CHCHD6: variants seen among roughly 807,000 people sequenced by gnomAD.
CHCHD6 encodes the protein MICOS complex subunit MIC25.
Under a neutral mutation model 32.3 loss-of-function variants are expected in CHCHD6, and 28 were observed. The observed-to-expected ratio is 0.87, with a 90% CI of 0.64 to 1.19. The LOEUF is 1.19. Ranked by LOEUF, CHCHD6 falls within the 50% of genes most tolerant of loss-of-function variation. CHCHD6 has a pLI of 0.00. For synonymous variants in CHCHD6, 122 were observed against 117.5 expected (o/e 1.04, Z -0.25); for missense variants, 333 against 307.0 (o/e 1.08, Z -0.63).
At chr3:126,721,394 GC>G (rs1260968104) in intron 1 of CHCHD6, among the ~76,000 whole-genome samples, 2 of 152,094 alleles carry the variant, frequency 1.3e-5, no homozygotes, top group Non-Finnish European at 2.9e-5. Context: ...TGCAGACATC[GC>G]TGCCGTCCCG....
At chr3:126,742,802 T>C (rs1265757430) in intron 4 of CHCHD6, among the ~76,000 whole-genome samples, 1 of 152,204 alleles carries the variant, frequency 6.6e-6, no homozygotes, top group Non-Finnish European at 1.5e-5. Context: ...TCTAGAACTA[T>C]GAGAAATAAA....
At chr3:126,845,618 TG>T (rs1237116519) in intron 4 of CHCHD6, among the ~76,000 whole-genome samples, 1 of 152,190 alleles carries the variant, frequency 6.6e-6, no homozygotes, top group Non-Finnish European at 1.5e-5. Context: ...CTGTTAATCT[TG>T]GGGGCCCTGT....
chr3:126,846,972 TG>T lies in CHCHD6; in HGVS notation c.412-5670del, dbSNP rs138875274. Among the ~76,000 whole-genome samples, 1,219 of 152,328 alleles carry T rather than the reference TG, an allele frequency of 8.0e-3. 8 individuals are homozygous for T. The highest frequency in any genetic ancestry group is 0.014 in the Middle Eastern group (4 of 294). On this transcript the variant is annotated intron_variant, in intron 4 of 7. Transcript: ENST00000290913. ...CTTTTCTTCTGTAAGACCATTAGTA[TG>T]GGGGCTTGGGTTTCTTCTAAGTAGC...
At chr3:126,773,494 A>G (rs530857583) in intron 4 of CHCHD6, among the ~76,000 whole-genome samples, 1 of 151,592 alleles carries the variant, frequency 6.6e-6, no homozygotes, top group East Asian at 1.9e-4. Context: ...AAGTTTTCCT[A>G]CTGTTCTCAA....
Position 126,924,177 on chromosome 3 carries a change from G to A in CHCHD6, c.566+9427G>A, listed in dbSNP as rs192537764. Among the ~76,000 whole-genome samples the A allele has an allele frequency of 5.4e-4, 82 of 152,260 alleles. No homozygotes were observed. In the South Asian group the frequency reaches 6.4e-3, roughly 12 times the overall value. ...AAGGTGCCAGAGACCTCTGGTTGGG[G>A]AAAAAGCGATTTGTAGTTTACAGTG... is the stretch of plus-strand genomic sequence containing the variant. On this transcript the variant is annotated intron_variant, in intron 6 of 7. Coordinates refer to ENST00000290913, the MANE Select transcript of CHCHD6 (RefSeq NM_032343.3).
At chr3:126,707,795 T>G (rs1934563829) in intron 1 of CHCHD6, among the ~76,000 whole-genome samples, 1 of 151,266 alleles carries the variant, frequency 6.6e-6, no homozygotes, top group Non-Finnish European at 1.5e-5. Context: ...CACAAGAGAG[T>G]CCCCCATTGT....
intron 6 of CHCHD6, among the ~76,000 whole-genome samples, chr3:126,940,494 C>T (rs774981435): frequency 3.9e-5 from 6 of 152,096 alleles, no homozygotes; most frequent in Non-Finnish European, 8.8e-5. Flanking sequence ...TCAATATAAT[C>T]GGCACTGTGA....
At chr3:126,871,790 C>G (rs1338089450) in intron 5 of CHCHD6, among the ~76,000 whole-genome samples, 2 of 151,704 alleles carry the variant, frequency 1.3e-5, no homozygotes, top group East Asian at 3.9e-4. Context: ...CTCAGCCTCC[C>G]GAGTAGCTGG....
At chr3:126,796,761 C>G (rs896122387) in intron 4 of CHCHD6, among the ~76,000 whole-genome samples, 1 of 152,090 alleles carries the variant, frequency 6.6e-6, no homozygotes. Flanking sequence ...GTGTGGGGAT[C>G]GACTCCACTA....
At chr3:126,763,937 T>A (rs1937256597) in intron 4 of CHCHD6, among the ~76,000 whole-genome samples, 1 of 152,146 alleles carries the variant, frequency 6.6e-6, no homozygotes, top group African/African-American at 2.4e-5. Flanking sequence ...TGAAATTGTA[T>A]GCTTTACAAT....
rs142051555 is a variant in CHCHD6, at chr3:126,728,373, G to A, written c.196+1187G>A. Among the ~76,000 whole-genome samples the A allele has an allele frequency of 3.1e-3, 472 of 152,328 alleles. 1 individual carries two copies. Among genetic ancestry groups the A allele is most frequent in the Non-Finnish European group, 5.1e-3 (344 of 68,028 alleles). ...AGGAATGGTGGTGGGTGGGCACTGC[G>A]AATGGGCAGATTGCAGGAGCGGAGG... On this transcript the variant is annotated intron_variant, in intron 2 of 7. Transcript: ENST00000290913.
intron 1 of CHCHD6, among the ~76,000 whole-genome samples, chr3:126,714,007 G>A (rs1934885750): frequency 6.8e-6 from 1 of 147,394 alleles, no homozygotes; most frequent in Non-Finnish European, 1.5e-5. Context: ...AACCTGGGAG[G>A]CGGAGCTTGC....
intron 5 of CHCHD6, among the ~76,000 whole-genome samples, chr3:126,895,428 T>C (rs969241696): frequency 6.6e-5 from 10 of 152,192 alleles, no homozygotes; most frequent in South Asian, 2.1e-4. Context: ...CTGGGCTATT[T>C]GCAGCAGGAG....
rs115582171 is a variant in CHCHD6, at chr3:126,719,743, A to C, written c.88-7335A>C. On this transcript the variant is annotated intron_variant, in intron 1 of 7. Transcript: ENST00000290913. ...TCACTCCCTTTCAGTGCTGTTGCTC[A>C]CTGCTTCTAGCGCATTGCCATCACA... 7.0e-3 allele frequency among the ~76,000 whole-genome samples: 1,063 copies of C among 152,286 alleles called. 13 individuals are homozygous for C. Among genetic ancestry groups the C allele is most frequent in the African/African-American group, 0.025 (1,019 of 41,554 alleles).
chr3:126,809,912 A>G (rs1385739659), intron 4 of CHCHD6, among the ~76,000 whole-genome samples: 1 of 152,216 alleles, frequency 6.6e-6, no homozygotes, highest in Non-Finnish European at 1.5e-5. Flanking sequence ...TATCCTTCTC[A>G]GTGCTCAAAC....
Position 126,949,447 on chromosome 3 carries a change from C to A in CHCHD6, c.567-7969C>A, listed in dbSNP as rs1576641114. On this transcript the variant is annotated intron_variant, in intron 6 of 7. Transcript: ENST00000290913. ...ACGGAAGGGAAGGCTGCACGGACTC[C>A]TGCTGTGGACGAAAGGGAAGGCTGC... 2.3e-5 allele frequency: 5 copies of A among 219,010 alleles called. No homozygotes were observed. In the South Asian group the frequency reaches 2.5e-4, roughly 11 times the overall value. The allele number at this position is 219,010 out of a possible 1,614,324, so 13.6% of individuals were successfully genotyped here. A position where few individuals can be genotyped will look rare whatever the true frequency, so the allele number is the denominator to read the frequency against.
At chr3:126,762,957 A>G (rs1397252198) in intron 4 of CHCHD6, among the ~76,000 whole-genome samples, 1 of 152,118 alleles carries the variant, frequency 6.6e-6, no homozygotes, top group Non-Finnish European at 1.5e-5. Flanking sequence ...ATTTTCTTGT[A>G]GACAGTTTAT....
intron 2 of CHCHD6, among the ~76,000 whole-genome samples, chr3:126,727,480 G>T (rs952926606): frequency 6.6e-6 from 1 of 152,208 alleles, no homozygotes. Flanking sequence ...TGCCTTTAAG[G>T]CTCCTCAGAG....
intron 4 of CHCHD6, among the ~76,000 whole-genome samples, chr3:126,733,979 C>T (rs1016141499): frequency 9.9e-5 from 15 of 152,180 alleles, no homozygotes; most frequent in African/African-American, 3.4e-4. Context: ...CCTAGGCAGG[C>T]TGTCCCCATG....
Sources: allele counts gnomAD v4.1 joint callset (sites outside exome capture counted in the v4.1 genomes callset), GRCh38; gene constraint gnomAD v4.1.1; transcripts MANE v1.5; gene names NCBI Gene and HGNC (gene_info 2026-07-23, HGNC 2026-07-21).